TRPM3: variants seen among roughly 807,000 people sequenced by gnomAD.
The protein encoded by TRPM3 is transient receptor potential cation channel subfamily M member 3, also known as long transient receptor potential channel 3.
A neutral mutation model predicts 181.2 loss-of-function variants in TRPM3; 77 were observed. The ratio of observed to expected loss-of-function variants is 0.42; its 90% CI spans 0.35 to 0.51. The LOEUF is 0.51. TRPM3 is among the 20% of genes least tolerant of loss of function. The pLI is 0.01. For missense variants in TRPM3, 1,759 were observed against 2,196.7 expected, an observed-to-expected ratio of 0.80 and a Z score of 3.98; for synonymous variants, 745 against 796.4, an observed-to-expected ratio of 0.94 and a Z score of 1.09.
At chr9:71,192,568 G>T (rs1484903750) in intron 1 of TRPM3, among the ~76,000 whole-genome samples, 1 of 151,794 alleles carries the variant, frequency 6.6e-6, no homozygotes, top group African/African-American at 2.4e-5. Context: ...CTTTGGAAAA[G>T]TAATTATTCA....
At chr9:71,369,105 A>G (rs1288906285) in intron 1 of TRPM3, among the ~76,000 whole-genome samples, 1 of 152,156 alleles carries the variant, frequency 6.6e-6, no homozygotes, top group African/African-American at 2.4e-5. Context: ...GAATTTAGAA[A>G]AAGAGCCACA....
At chr9:71,335,879 T>C (rs2090521296) in intron 1 of TRPM3, among the ~76,000 whole-genome samples, 1 of 152,154 alleles carries the variant, frequency 6.6e-6, no homozygotes, top group Non-Finnish European at 1.5e-5. Flanking sequence ...CATCTGACTC[T>C]GCATATGAAC....
intron 1 of TRPM3, among the ~76,000 whole-genome samples, chr9:71,282,391 A>AG (rs2084907563): frequency 8.3e-6 from 1 of 120,114 alleles, no homozygotes; most frequent in Non-Finnish European, 1.7e-5. Context: ...AAGAAAGGAA[A>AG]GAAAGAAAGG....
At chr9:71,115,047 CTCTT>C (rs2072025496) in intron 1 of TRPM3, among the ~76,000 whole-genome samples, 1 of 152,184 alleles carries the variant, frequency 6.6e-6, no homozygotes, top group Non-Finnish European at 1.5e-5. Flanking sequence ...CAATTTACTT[CTCTT>C]TCTGTCAATG....
intron 1 of TRPM3, among the ~76,000 whole-genome samples, chr9:71,277,808 A>G (rs898873719): frequency 2.0e-5 from 3 of 152,232 alleles, no homozygotes; most frequent in Admixed American, 2.0e-4. Flanking sequence ...GCAATGTGTA[A>G]TCCACATACA....
At chr9:70,549,729 T>C in intron 24 of TRPM3, 55 bp from the exon 25 acceptor site, 1 of 1,541,902 alleles carries the variant, frequency 6.5e-7, no homozygotes, top group South Asian at 1.2e-5. Context: ...AGCGATGGCA[T>C]CTGATTTGTG....
Position 70,552,666 on chromosome 9 carries a change from A to G in TRPM3, c.3574+178T>C, listed in dbSNP as rs74629779. On this transcript the variant is annotated intron_variant, in intron 24 of 25. Transcript: ENST00000677713. The stretch of plus-strand genomic sequence containing the variant: ...TTCAGCCTCTACCATCTTCTTTCTG[A>G]CATTATTTCTCATTCAAGTCAACTC... Among the ~76,000 whole-genome samples, 19 of 152,280 alleles carry G rather than the reference A, an allele frequency of 1.2e-4. No individual in the cohort carries two copies. The East Asian group carries it at 3.7e-3, about 29-fold the overall frequency.
chr9:71,306,827 C>T (rs1354974452), intron 1 of TRPM3, among the ~76,000 whole-genome samples: 1 of 152,146 alleles, frequency 6.6e-6, no homozygotes, highest in Non-Finnish European at 1.5e-5. Flanking sequence ...GAGCCGAGAT[C>T]GCGCCACTGC....
intron 9 of TRPM3, among the ~76,000 whole-genome samples, chr9:70,660,148 C>T (rs1473867447): frequency 3.9e-5 from 6 of 151,982 alleles, no homozygotes; most frequent in Non-Finnish European, 8.8e-5. Flanking sequence ...AATGCTTTCT[C>T]CAAAAGATTT....
chr9:70,891,725 A>G (rs1302380380), intron 1 of TRPM3, among the ~76,000 whole-genome samples: 1 of 152,190 alleles, frequency 6.6e-6, no homozygotes, highest in East Asian at 1.9e-4. Flanking sequence ...ATGAACATGT[A>G]TTATGTACCA....
chr9:70,856,994 G>T (rs930846837), intron 3 of TRPM3, among the ~76,000 whole-genome samples: 6 of 152,128 alleles, frequency 3.9e-5, no homozygotes, highest in African/African-American at 1.4e-4. Context: ...AGATGTAGAA[G>T]AGTCTTTGAG....
At chr9:70,612,479 T>C (rs2153365) in intron 18 of TRPM3, among the ~76,000 whole-genome samples, 148,028 of 152,306 alleles carry the variant, frequency 0.97, 72,077 homozygotes, top group East Asian at 1. Flanking sequence ...ACCTAAAGTA[T>C]ACAAATATTA....
intron 16 of TRPM3, among the ~76,000 whole-genome samples, chr9:70,619,604 G>A (rs2063335197): frequency 6.6e-6 from 1 of 151,142 alleles, no homozygotes; most frequent in Admixed American, 6.6e-5. Flanking sequence ...TTTTGGAGAT[G>A]GGGTCTTGCT....
At chr9:71,057,476 C>A (rs2060796266) in intron 1 of TRPM3, among the ~76,000 whole-genome samples, 1 of 151,984 alleles carries the variant, frequency 6.6e-6, no homozygotes, top group South Asian at 2.1e-4. Context: ...TAGGTCTCTA[C>A]CTTTCATTCT....
intron 1 of TRPM3, among the ~76,000 whole-genome samples, chr9:71,309,967 T>A (rs2087757595): frequency 6.6e-6 from 1 of 152,108 alleles, no homozygotes; most frequent in Non-Finnish European, 1.5e-5. Flanking sequence ...GAACACATCT[T>A]TGGAAAGAAC....
At chr9:71,387,979 C>T (rs1444938655) in intron 1 of TRPM3, among the ~76,000 whole-genome samples, 1 of 152,148 alleles carries the variant, frequency 6.6e-6, no homozygotes, top group Non-Finnish European at 1.5e-5. Flanking sequence ...TCCTTAATTG[C>T]TATATAATAT....
At chr9:71,033,243 C>A (rs1241127530) in intron 1 of TRPM3, among the ~76,000 whole-genome samples, 2 of 152,220 alleles carry the variant, frequency 1.3e-5, no homozygotes, top group African/African-American at 4.8e-5. Context: ...ACTAAAGCGT[C>A]CTAAGTAAGA....
chr9:71,159,569 T>C (rs138325549), intron 1 of TRPM3, among the ~76,000 whole-genome samples: 263 of 152,250 alleles, frequency 1.7e-3, no homozygotes, highest in African/African-American at 6.1e-3. Context: ...TATCTCCCCA[T>C]CTTTTGTTCT....
chr9:70,931,772 C>T (rs1452350203), intron 1 of TRPM3, among the ~76,000 whole-genome samples: 2 of 152,188 alleles, frequency 1.3e-5, no homozygotes, highest in East Asian at 1.9e-4. Flanking sequence ...TGAAGTTTTA[C>T]TTTTACTTGT....
Sources: gnomAD v4.1 joint callset for allele counts (sites outside exome capture counted in the v4.1 genomes callset) on GRCh38, gnomAD v4.1.1 for gene constraint, MANE v1.5 for transcripts, NCBI Gene and HGNC (gene_info 2026-07-23, HGNC 2026-07-21) for gene names.